AKT3: variants seen among roughly 807,000 people sequenced by gnomAD.
The protein encoded by AKT3 is AKT serine/threonine kinase 3, also known as RAC-gamma serine/threonine-protein kinase.
Under a neutral mutation model 65.3 loss-of-function variants are expected in AKT3, and 15 were observed. The ratio of observed to expected loss-of-function variants is 0.23; its 90% CI spans 0.15 to 0.35. AKT3 has a LOEUF of 0.35. Among genes scored for constraint, AKT3 ranks in the 10% least tolerant of loss-of-function variants. The pLI, the probability that AKT3 is intolerant of heterozygous loss-of-function variation, is 1.00. For missense variants in AKT3, 243 were observed against 576.5 expected, an observed-to-expected ratio of 0.42 and a Z score of 5.92; for synonymous variants, 206 against 183.8, an observed-to-expected ratio of 1.12 and a Z score of -0.98.
intron 8 of AKT3, among the ~76,000 whole-genome samples, chr1:243,609,366 G>A (rs1290942843): frequency 1.4e-5 from 2 of 141,620 alleles, no homozygotes; most frequent in South Asian, 2.3e-4. Flanking sequence ...GTGTGTGTGT[G>A]TACCAACACT....
At chr1:243,574,531 T>C (rs1180623971) in intron 8 of AKT3, among the ~76,000 whole-genome samples, 1 of 152,174 alleles carries the variant, frequency 6.6e-6, no homozygotes. Flanking sequence ...CTATAACACA[T>C]GATCTATTCT....
chr1:243,826,526 T>G (rs1385435272), intron 2 of AKT3, among the ~76,000 whole-genome samples: 1 of 152,182 alleles, frequency 6.6e-6, no homozygotes, highest in African/African-American at 2.4e-5. Context: ...ATTCCTAATA[T>G]AAGGGACAGT....
In AKT3 at chr1:243,503,423, G is replaced by A. The variant is rs966990985; in HGVS notation, c.*1826C>T. 5 of 233,298 alleles carry A rather than the reference G, an allele frequency of 2.1e-5. No homozygotes were observed. The highest frequency in any genetic ancestry group is 6.6e-5 in the African/African-American group (3 of 45,278). 14.5% of individuals were successfully genotyped at this position (233,298 alleles called of 1,614,324 possible). A position where few individuals can be genotyped will look rare whatever the true frequency, so the allele number is the denominator to read the frequency against. On this transcript the variant is annotated 3_prime_UTR_variant, in exon 14 of 14. Transcript: ENST00000673466. ...TCATACAATGCAATCATAATACTAC[G>A]TCATGCTGTAGTCTTCCGTTTGGGA...
At chr1:243,804,306 C>T (rs1692579637) in intron 2 of AKT3, among the ~76,000 whole-genome samples, 1 of 152,150 alleles carries the variant, frequency 6.6e-6, no homozygotes, top group South Asian at 2.1e-4. Context: ...CTAAAATATA[C>T]TTTTAAATTA....
At chr1:243,689,885 C>T (rs1004352549) in intron 3 of AKT3, among the ~76,000 whole-genome samples, 8 of 151,784 alleles carry the variant, frequency 5.3e-5, no homozygotes, top group African/African-American at 1.9e-4. Flanking sequence ...ATTGAGGCTA[C>T]AGAGAGCTGT....
chr1:243,747,932 T>C (rs1225751919), intron 2 of AKT3, among the ~76,000 whole-genome samples: 6 of 152,184 alleles, frequency 3.9e-5, no homozygotes, highest in Admixed American at 3.9e-4. Flanking sequence ...TACCTAGGCA[T>C]AGCACATGCA....
intron 2 of AKT3, among the ~76,000 whole-genome samples, chr1:243,839,866 C>CAA (rs761747534): frequency 1.9e-4 from 14 of 72,646 alleles, no homozygotes; most frequent in Admixed American, 6.3e-4. Context: ...GACTCCATCT[C>CAA]AAAAAAAAAA....
intron 2 of AKT3, among the ~76,000 whole-genome samples, chr1:243,838,411 C>A (rs1695030756): frequency 2.0e-5 from 3 of 151,980 alleles, no homozygotes; most frequent in African/African-American, 7.2e-5. Flanking sequence ...GGGTAGTAAA[C>A]AGGAAATCAT....
chr1:243,644,680 G>T (rs762177970), intron 5 of AKT3, among the ~76,000 whole-genome samples: 12 of 151,796 alleles, frequency 7.9e-5, no homozygotes, highest in African/African-American at 2.9e-4. Context: ...TACTCCAACT[G>T]AGTCTCCAAA....
Position 243,843,656 on chromosome 1 carries a change from G to GT in AKT3, c.-112-375dup, listed in dbSNP as rs113990784. ...TTTCAGAAGCAATTGTAAATTTTTT[G>GT]TTTTTTTTTTTTTTGAAACGGAATC... On this transcript the variant is annotated intron_variant, in intron 1 of 13. Transcript: ENST00000673466. 0.22 allele frequency: 132,178 copies of GT among 607,260 alleles called. 98 individuals carry two copies. The highest frequency in any genetic ancestry group is 0.24 in the Non-Finnish European group (118,297 of 492,054). The allele number at this position is 607,260 out of a possible 1,614,324, so 37.6% of individuals were successfully genotyped here.
intron 2 of AKT3, among the ~76,000 whole-genome samples, chr1:243,737,911 T>C (rs1161577575): frequency 6.6e-6 from 1 of 152,190 alleles, no homozygotes; most frequent in Non-Finnish European, 1.5e-5. Context: ...TGAAGTACTG[T>C]GGTCTCTTCC....
At chr1:243,568,980 A>T (rs1674366808) in intron 9 of AKT3, among the ~76,000 whole-genome samples, 1 of 152,256 alleles carries the variant, frequency 6.6e-6, no homozygotes, top group Non-Finnish European at 1.5e-5. Flanking sequence ...CAAAGGAATG[A>T]AAATAGCAGT....
At chr1:243,769,332 T>G (rs1690027248) in intron 2 of AKT3, among the ~76,000 whole-genome samples, 1 of 152,164 alleles carries the variant, frequency 6.6e-6, no homozygotes, top group Admixed American at 6.5e-5. Flanking sequence ...TACACCCAGG[T>G]GTAGACTGCT....
chr1:243,537,350 C>G (rs1396337347), intron 12 of AKT3, among the ~76,000 whole-genome samples: 1 of 152,094 alleles, frequency 6.6e-6, no homozygotes, highest in Non-Finnish European at 1.5e-5. Flanking sequence ...TCCATTTTAA[C>G]TCCCAGAAGT....
At chr1:243,542,915 G>T (rs1672416145) in intron 12 of AKT3, among the ~76,000 whole-genome samples, 2 of 152,158 alleles carry the variant, frequency 1.3e-5, no homozygotes, top group South Asian at 4.1e-4. Context: ...GGGTCACACA[G>T]GACACCGTGA....
rs1043390830 is a variant in AKT3 at position 243,569,348 on chromosome 1, G to A, written c.819+3578C>T. 5.4e-4 allele frequency among the ~76,000 whole-genome samples: 83 copies of A among 152,302 alleles called. 1 individual carries two copies. Among genetic ancestry groups the A allele is most frequent in the African/African-American group, 1.9e-3 (78 of 41,570 alleles). On this transcript the variant is annotated intron_variant, in intron 9 of 13. Transcript: ENST00000673466. Reference sequence around the variant, plus strand: ...AAATTTATTACGAATAAGGTACATAGTCCAATACCAGTACAATTTTATTTT... The same window carrying A: ...AAATTTATTACGAATAAGGTACATAATCCAATACCAGTACAATTTTATTTT...
intron 5 of AKT3, among the ~76,000 whole-genome samples, chr1:243,639,192 A>G (rs886888884): frequency 2.6e-5 from 4 of 152,176 alleles, no homozygotes; most frequent in Admixed American, 2.0e-4. Context: ...AAAGAAACAG[A>G]TAACTTGATA....
In AKT3 at chr1:243,504,624, A is replaced by T. The variant is rs550577285; in HGVS notation, c.*625T>A. 1.4e-4 allele frequency: 22 copies of T among 151,742 alleles called. No homozygotes were observed. The highest frequency in any genetic ancestry group is 2.9e-3 in the Middle Eastern group (1 of 348). The allele number at this position is 151,742 out of a possible 1,614,324, so 9.4% of individuals were successfully genotyped here. A position where few individuals can be genotyped will look rare whatever the true frequency, so the allele number is the denominator to read the frequency against. On this transcript the variant is annotated 3_prime_UTR_variant, in exon 14 of 14. Transcript: ENST00000673466. ...CTTCTACAGTATCCACCAGGAATTTAAAAAAAAAAAATTATATATATATAT... is the reference window on the plus strand; with the variant it reads ...CTTCTACAGTATCCACCAGGAATTTTAAAAAAAAAAATTATATATATATAT...
At chr1:243,754,302 C>T (rs929348670) in intron 2 of AKT3, among the ~76,000 whole-genome samples, 5 of 152,196 alleles carry the variant, frequency 3.3e-5, no homozygotes, top group African/African-American at 1.2e-4. Context: ...TTAGCATTTA[C>T]CACAGTTGAT....
Sources: allele counts gnomAD v4.1 joint callset (sites outside exome capture counted in the v4.1 genomes callset), GRCh38; gene constraint gnomAD v4.1.1; transcripts MANE v1.5; gene names NCBI Gene and HGNC (gene_info 2026-07-23, HGNC 2026-07-21).